The following BAZ2B variants were observed in gnomAD, a reference collection of about 807,000 sequenced individuals.
BAZ2B encodes the protein bromodomain adjacent to zinc finger domain protein 2B.
BAZ2B carries 91 observed loss-of-function variants against 246.0 expected under a neutral mutation model. The observed-to-expected ratio is 0.37, with a 90% CI of 0.31 to 0.44. BAZ2B has a LOEUF of 0.44. BAZ2B is among the 20% of genes least tolerant of loss of function. The probability of loss-of-function intolerance (pLI) is 1.00; values close to 1 mark genes in which losing one functional copy is unlikely to be tolerated. For missense variants in BAZ2B, 2,332 were observed against 2,533.7 expected (o/e 0.92, Z 1.71); for synonymous variants, 855 against 860.0 (o/e 0.99, Z 0.10).
At chr2:159,678,158 A>T in the BAZ2B span, among the ~76,000 whole-genome samples, 103 of 152,320 alleles carry the variant, frequency 6.8e-4, no homozygotes, top group South Asian at 0.019. Flanking sequence ...ATAATTTAAA[A>T]CATTTTCTAT....
chr2:159,568,457 A>T (rs947492080), intron 1 of BAZ2B, among the ~76,000 whole-genome samples: 2 of 152,224 alleles, frequency 1.3e-5, no homozygotes, highest in Non-Finnish European at 2.9e-5. Flanking sequence ...ACTGCTGAAA[A>T]TGATTAAATT....
At chr2:159,560,916 T>C (rs912111726) in intron 1 of BAZ2B, among the ~76,000 whole-genome samples, 2 of 152,138 alleles carry the variant, frequency 1.3e-5, no homozygotes, top group African/African-American at 4.8e-5. Flanking sequence ...AGACTTAGGA[T>C]ATAAGCAATA....
chr2:159,496,015 T>C (rs539429892), intron 2 of BAZ2B, among the ~76,000 whole-genome samples: 112 of 150,998 alleles, frequency 7.4e-4, no homozygotes, highest in African/African-American at 2.5e-3. Flanking sequence ...ATGATCCGCC[T>C]GCCTCGGCCT....
chr2:159,584,707 T>C (rs1226369592), intron 1 of BAZ2B, among the ~76,000 whole-genome samples: 1 of 152,222 alleles, frequency 6.6e-6, no homozygotes, highest in East Asian at 1.9e-4. Flanking sequence ...GGACATGGTT[T>C]AGATCTGTGT....
At chr2:159,582,286 T>C (rs1228109014) in intron 1 of BAZ2B, among the ~76,000 whole-genome samples, 1 of 152,224 alleles carries the variant, frequency 6.6e-6, no homozygotes, top group Non-Finnish European at 1.5e-5. Context: ...GAAACTGCCA[T>C]CAGCAGGGCC....
chr2:159,493,825 T>C (rs912687614), intron 2 of BAZ2B, among the ~76,000 whole-genome samples: 1 of 152,238 alleles, frequency 6.6e-6, no homozygotes, highest in Non-Finnish European at 1.5e-5. Flanking sequence ...CAGGTTTTAC[T>C]GGCAGAAGAG....
the BAZ2B span, among the ~76,000 whole-genome samples, chr2:159,673,410 T>C: frequency 6.6e-6 from 1 of 152,172 alleles, no homozygotes; most frequent in Non-Finnish European, 1.5e-5. Flanking sequence ...GCTGGTGGGA[T>C]ATAAAATGCT....
chr2:159,627,720 C>T, the BAZ2B span, among the ~76,000 whole-genome samples: 8 of 152,090 alleles, frequency 5.3e-5, no homozygotes, highest in South Asian at 2.1e-4. Context: ...TCATACTAAA[C>T]GGGCAAAATT....
intron 19 of BAZ2B, chr2:159,396,519 G>A (rs1191402856): frequency 6.6e-6 from 1 of 152,020 alleles, no homozygotes; most frequent in Non-Finnish European, 1.5e-5. Context: ...AATCTTAAAG[G>A]CACAGTATGA....
chr2:159,352,068 A>G (rs62171461), intron 27 of BAZ2B, among the ~76,000 whole-genome samples: 5,270 of 152,276 alleles, frequency 0.035, 170 homozygotes, highest in Middle Eastern at 0.14. Flanking sequence ...ACTCCTAACC[A>G]AGGCCTACAA....
At chr2:159,560,928 T>C (rs2089792197) in intron 1 of BAZ2B, among the ~76,000 whole-genome samples, 1 of 152,192 alleles carries the variant, frequency 6.6e-6, no homozygotes, top group African/African-American at 2.4e-5. Flanking sequence ...TAAGCAATAC[T>C]TTTTTGGCAG....
chr2:159,429,365 A>G (rs1366704526), intron 10 of BAZ2B, 105 bp from the exon 11 acceptor site: 14 of 604,434 alleles, frequency 2.3e-5, no homozygotes, highest in Admixed American at 6.8e-5. Flanking sequence ...AATAACTTGG[A>G]TTTAGTGTAT....
In BAZ2B at chr2:159,397,910, T is replaced by A. The variant is rs1259828726; in HGVS notation, c.2965-521A>T. Among the ~76,000 whole-genome samples, 7 of 152,110 alleles carry A rather than the reference T, an allele frequency of 4.6e-5. No individual in the cohort carries two copies. The East Asian group carries it at 1.3e-3, about 29-fold the overall frequency. ...AATTAAAGTGACAAAAACTAGGCAA[T>A]CAGTGTGAAATTTTCATGTCCACCT... On this transcript the variant is annotated intron_variant, in intron 18 of 36. Transcript: ENST00000392783.
At chr2:159,672,168 A>G in the BAZ2B span, among the ~76,000 whole-genome samples, 1 of 152,214 alleles carries the variant, frequency 6.6e-6, no homozygotes, top group Non-Finnish European at 1.5e-5. Context: ...TAGTTGCAAC[A>G]AAATAATAAT....
chr2:159,684,489 T>C, the BAZ2B span, among the ~76,000 whole-genome samples: 1 of 152,226 alleles, frequency 6.6e-6, no homozygotes, highest in Non-Finnish European at 1.5e-5. Flanking sequence ...TAGTAATTAG[T>C]TGGACAATAT....
chr2:159,612,224 T>C (rs915803404), intron 1 of BAZ2B, among the ~76,000 whole-genome samples: 11 of 152,060 alleles, frequency 7.2e-5, no homozygotes, highest in Non-Finnish European at 1.3e-4. Context: ...TTATTTCTTT[T>C]CTTTTGTGAT....
At chr2:159,689,670 C>T in the BAZ2B span, 4 of 325,556 alleles carry the variant, frequency 1.2e-5, no homozygotes, top group South Asian at 9.4e-5. Context: ...CTGTTCCTGG[C>T]CAGCATTTTT....
the BAZ2B span, among the ~76,000 whole-genome samples, chr2:159,664,671 T>C: frequency 1.8e-5 from 1 of 55,590 alleles, no homozygotes; most frequent in South Asian, 7.3e-4. Context: ...TGCATAAATG[T>C]CTTCTTTTGA....
intron 2 of BAZ2B, among the ~76,000 whole-genome samples, chr2:159,510,776 T>C (rs1406536331): frequency 6.6e-6 from 1 of 152,236 alleles, no homozygotes; most frequent in Non-Finnish European, 1.5e-5. Flanking sequence ...TGCTTGAAGA[T>C]ACTGTTCTAG....
Sources: allele counts gnomAD v4.1 joint callset (sites outside exome capture counted in the v4.1 genomes callset), GRCh38; gene constraint gnomAD v4.1.1; transcripts MANE v1.5; gene names NCBI Gene and HGNC (gene_info 2026-07-23, HGNC 2026-07-21).